Variants in PRSS41 observed in about 807,000 individuals in gnomAD.
PRSS41 encodes protease, serine 41.
PRSS41 carries 37 observed loss-of-function variants against 28.8 expected under a neutral mutation model. That is an observed-to-expected ratio of 1.29 (90% CI 0.99 to 1.69). PRSS41 has a LOEUF of 1.69. Ranked by LOEUF, PRSS41 falls within the 40% of genes most tolerant of loss-of-function variation. The pLI, the probability that PRSS41 is intolerant of heterozygous loss-of-function variation, is 0.00. For synonymous variants in PRSS41, 195 were observed against 163.1 expected, an observed-to-expected ratio of 1.20 and a Z score of -1.49; for missense variants, 431 against 400.7, an observed-to-expected ratio of 1.08 and a Z score of -0.65.
chr16:2,803,085 T>G (rs976399687), intron 4 of PRSS41, among the ~76,000 whole-genome samples: 1 of 152,240 alleles, frequency 6.6e-6, no homozygotes, highest in Non-Finnish European at 1.5e-5. Context: ...GTGATTTTTT[T>G]AAAAGCGATT....
At chr16:2,799,353 C>T (rs1230336186) in exon 4 of PRSS41, 1 of 1,551,834 alleles carries the variant, frequency 6.4e-7, no homozygotes, top group East Asian at 2.4e-5. Context: ...TCCTTGGAAC[C>T]TGCGGGCCTA....
chr16:2,802,185 G>A (rs1265009852), intron 4 of PRSS41, among the ~76,000 whole-genome samples: 1 of 149,152 alleles, frequency 6.7e-6, no homozygotes, highest in Admixed American at 6.6e-5. Context: ...GGGCAGAGAC[G>A]CTCCTCACCT....
intron 4 of PRSS41, among the ~76,000 whole-genome samples, chr16:2,801,978 C>A (rs2068989972): frequency 6.7e-6 from 1 of 149,790 alleles, no homozygotes; most frequent in East Asian, 2.1e-4. Flanking sequence ...GGCTGACCCC[C>A]CCACCTCCCT....
At chr16:2,798,902 G>T in intron 2 of PRSS41, 57 bp from the exon 3 acceptor site, 3 of 1,470,534 alleles carry the variant, frequency 2.0e-6, no homozygotes, top group Non-Finnish European at 2.7e-6. Flanking sequence ...CGGGCAGGGC[G>T]GGCCTGCCCA....
intron 4 of PRSS41, among the ~76,000 whole-genome samples, chr16:2,803,828 C>A (rs927292863): frequency 7.9e-5 from 12 of 152,138 alleles, no homozygotes; most frequent in African/African-American, 2.2e-4. Flanking sequence ...TTGACTGTTT[C>A]TGTTAATCTT....
intron 4 of PRSS41, among the ~76,000 whole-genome samples, chr16:2,801,534 T>C (rs2068986138): frequency 6.6e-6 from 1 of 151,690 alleles, no homozygotes; most frequent in Non-Finnish European, 1.5e-5. Flanking sequence ...TAGGGATTGG[T>C]AATGACTCTT....
chr16:2,802,751 A>G (rs2068997898), intron 4 of PRSS41, among the ~76,000 whole-genome samples: 1 of 152,224 alleles, frequency 6.6e-6, no homozygotes, highest in Admixed American at 6.5e-5. Context: ...CATGCCTGCA[A>G]TCGCAGGCAC....
chr16:2,801,761 C>T (rs1043806596), intron 4 of PRSS41, among the ~76,000 whole-genome samples: 8 of 152,226 alleles, frequency 5.3e-5, no homozygotes, highest in Middle Eastern at 3.2e-3. Flanking sequence ...GACACGGCAA[C>T]CATCCGATTT....
At chr16:2,804,851 C>G in intron 5 of PRSS41, 63 bp from the exon 6 acceptor site, 1 of 1,299,166 alleles carries the variant, frequency 7.7e-7, no homozygotes, top group Non-Finnish European at 1.1e-6. Flanking sequence ...CCCTCCTGCT[C>G]TCATGGCCTC....
At chr16:2,799,413 G>C in exon 4 of PRSS41, 7 of 1,552,184 alleles carry the variant, frequency 4.5e-6, no homozygotes, top group Non-Finnish European at 6.1e-6. Context: ...TGACGCACTT[G>C]GGGTTTTACG....
At chr16:2,799,409 A>T in exon 4 of PRSS41, 5 of 1,552,142 alleles carry the variant, frequency 3.2e-6, no homozygotes, top group Middle Eastern at 1.7e-4. Flanking sequence ...ACCCTGACGC[A>T]CTTGGGGTTT....
chr16:2,805,127 C>T (rs752802905), exon 6 of PRSS41: 2 of 1,549,728 alleles, frequency 1.3e-6, no homozygotes, highest in Non-Finnish European at 1.7e-6. Flanking sequence ...GCTGTGGGCT[C>T]CCTGACTCCT....
intron 3 of PRSS41, 73 bp from the exon 4 acceptor site, chr16:2,799,213 A>G: frequency 6.6e-7 from 1 of 1,521,600 alleles, no homozygotes; most frequent in East Asian, 2.5e-5. Context: ...GGCCTCAGGG[A>G]CTGGGCCTCC....
chr16:2,798,862 C>T (rs1290951061), intron 2 of PRSS41, 97 bp from the exon 3 acceptor site: 10 of 1,352,100 alleles, frequency 7.4e-6, no homozygotes, highest in Non-Finnish European at 9.6e-6. Flanking sequence ...CCCCGGGGAG[C>T]CCCCCGCTGC....
chr16:2,802,441 G>A (rs1345640047), intron 4 of PRSS41, among the ~76,000 whole-genome samples: 1 of 152,048 alleles, frequency 6.6e-6, no homozygotes, highest in Non-Finnish European at 1.5e-5. Flanking sequence ...CAGACGATGG[G>A]CGGCCAGGCA....
Position 2,798,633 on chromosome 16 carries a change from C to A in PRSS41, c.65-3C>A, listed in dbSNP as rs1161980007. 6.7e-7 allele frequency: 1 copy of A among 1,503,570 alleles called. No homozygotes were observed. Among genetic ancestry groups the A allele is most frequent in the Non-Finnish European group, 8.8e-7 (1 of 1,130,138 alleles). 93.1% of individuals were successfully genotyped at this position (1,503,570 alleles called of 1,614,324 possible). On this transcript the variant is annotated splice_polypyrimidine_tract_variant and splice_region_variant and intron_variant, in intron 1 of 5. Transcript: ENST00000399677. ...CGCGAGGGTCACTTCTTGTGTCCTG[C>A]AGAGTCGCAGGAGGAGGAGCTGTTG... is the stretch of plus-strand genomic sequence containing the variant.
exon 6 of PRSS41, chr16:2,805,219 C>A: frequency 1.8e-6 from 2 of 1,093,364 alleles, no homozygotes; most frequent in Non-Finnish European, 2.7e-6. Context: ...GCTGTGGGCG[C>A]TTCAGGGACA....
intron 4 of PRSS41, among the ~76,000 whole-genome samples, chr16:2,804,059 A>T (rs1198420460): frequency 1.3e-5 from 2 of 152,232 alleles, no homozygotes; most frequent in East Asian, 3.8e-4. Context: ...AATCATAAAC[A>T]TTCTCATCTA....
chr16:2,801,929 G>T (rs1327769922), intron 4 of PRSS41, among the ~76,000 whole-genome samples: 1 of 148,868 alleles, frequency 6.7e-6, no homozygotes, highest in South Asian at 2.1e-4. Flanking sequence ...GGGCAGAGGC[G>T]CCCCTCACCT....
Sources: gnomAD v4.1 joint callset for allele counts (sites outside exome capture counted in the v4.1 genomes callset) on GRCh38, gnomAD v4.1.1 for gene constraint, MANE v1.5 for transcripts, NCBI Gene and HGNC (gene_info 2026-07-23, HGNC 2026-07-21) for gene names.